The following ZNF723 variants were observed in gnomAD, a reference collection of about 807,000 sequenced individuals.
ZNF723 encodes the protein zinc finger protein 723, also known as zinc finger protein 723, pseudogene.
In ZNF723, 5 loss-of-function variants were observed where a neutral mutation model predicts 9.4. The ratio of observed to expected loss-of-function variants is 0.53; its 90% confidence interval spans 0.28 to 1.12. ZNF723 has a LOEUF of 1.12. Ranked by LOEUF, ZNF723 falls within the 50% of genes most tolerant of loss-of-function variation. ZNF723 has a pLI of 0.10. For missense variants in ZNF723, 450 were observed against 501.5 expected (o/e 0.90, Z 0.98); for synonymous variants, 158 against 168.8 (o/e 0.94, Z 0.49).
intron 1 of ZNF723, chr19:22,840,346 T>G (rs1482009952): frequency 2.0e-4 from 24 of 121,514 alleles, no homozygotes; most frequent in African/African-American, 6.9e-4. Flanking sequence ...TAATTTTGTA[T>G]TTTTAGTATA....
At chr19:22,838,380 C>CGTCTCTA (rs1967195384) in intron 1 of ZNF723, among the ~76,000 whole-genome samples, 1 of 151,872 alleles carries the variant, frequency 6.6e-6, no homozygotes, top group South Asian at 2.1e-4. Flanking sequence ...GGTGAAACCC[C>CGTCTCTA]GTCTCTACTA....
At chr19:22,852,187 T>C (rs746116213) in intron 3 of ZNF723, among the ~76,000 whole-genome samples, 147 of 152,314 alleles carry the variant, frequency 9.7e-4, no homozygotes, top group Non-Finnish European at 1.9e-3. Context: ...TCTTTTAAGA[T>C]TTCTTTCATA....
At chr19:22,820,323 A>G in the ZNF723 span, among the ~76,000 whole-genome samples, 1 of 152,142 alleles carries the variant, frequency 6.6e-6, no homozygotes, top group African/African-American at 2.4e-5. Context: ...CACAGGGAGA[A>G]TTGTGACATA....
chr19:22,836,128 G>C (rs1967163296), intron 1 of ZNF723, among the ~76,000 whole-genome samples: 1 of 152,128 alleles, frequency 6.6e-6, no homozygotes, highest in African/African-American at 2.4e-5. Context: ...GCCTGCAAAA[G>C]GAGGTTATTA....
In ZNF723 at chr19:22,832,401, A is replaced by T; in HGVS notation, c.3+19A>T. Reference sequence around the variant, plus strand: ...AGAAATGGTGAGAGTACCGGGTCCGACATCCCGAGAGAGGGGAAGGGCTGG... The same window carrying T: ...AGAAATGGTGAGAGTACCGGGTCCGTCATCCCGAGAGAGGGGAAGGGCTGG... On this transcript the variant is annotated intron_variant, in intron 1 of 3. Transcript: ENST00000600766. The T allele has an allele frequency of 1.5e-6, 2 of 1,367,660 alleles. No homozygotes were observed. The highest frequency in any genetic ancestry group is 2.1e-6 in the Non-Finnish European group (2 of 973,592). The allele number at this position is 1,367,660 out of a possible 1,614,324, so 84.7% of individuals were successfully genotyped here.
At chr19:22,832,646 G>T (rs1331184390) in intron 1 of ZNF723, among the ~76,000 whole-genome samples, 1 of 152,198 alleles carries the variant, frequency 6.6e-6, no homozygotes, top group Non-Finnish European at 1.5e-5. Flanking sequence ...GCAGCGCCGA[G>T]TCTCTCCCAG....
chr19:22,819,655 C>T, the ZNF723 span, among the ~76,000 whole-genome samples: 4 of 152,296 alleles, frequency 2.6e-5, no homozygotes, highest in Admixed American at 2.0e-4. Flanking sequence ...GAGTCCTGAC[C>T]ACAGAAAGCA....
At chr19:22,853,498 C>A (rs558118391) in intron 3 of ZNF723, among the ~76,000 whole-genome samples, 2 of 151,998 alleles carry the variant, frequency 1.3e-5, no homozygotes, top group South Asian at 4.2e-4. Context: ...ATAAATTTTT[C>A]AGGTTTTTTT....
chr19:22,849,679 C>T (rs577732154), intron 3 of ZNF723, among the ~76,000 whole-genome samples: 6 of 152,210 alleles, frequency 3.9e-5, no homozygotes, highest in South Asian at 2.1e-4. Context: ...GAGGCCGAGG[C>T]GGGTGGATCA....
At chr19:22,839,823 G>C (rs979525671) in intron 1 of ZNF723, among the ~76,000 whole-genome samples, 3 of 152,106 alleles carry the variant, frequency 2.0e-5, no homozygotes, top group African/African-American at 7.2e-5. Flanking sequence ...TTTGGCTTGT[G>C]TGAGAAGGTA....
At chr19:22,814,065 G>A in the ZNF723 span, among the ~76,000 whole-genome samples, 2 of 152,036 alleles carry the variant, frequency 1.3e-5, no homozygotes, top group African/African-American at 2.4e-5. Context: ...GCCCACCTCG[G>A]CCTCCCAAAG....
At chr19:22,823,452 T>C in the ZNF723 span, among the ~76,000 whole-genome samples, 1 of 152,220 alleles carries the variant, frequency 6.6e-6, no homozygotes, top group Admixed American at 6.5e-5. Flanking sequence ...AGGCTGTGAC[T>C]CTTCTACCAG....
At chr19:22,826,562 T>G in the ZNF723 span, among the ~76,000 whole-genome samples, 1 of 152,170 alleles carries the variant, frequency 6.6e-6, no homozygotes, top group Non-Finnish European at 1.5e-5. Context: ...TAACTGTCAC[T>G]CTCTCACATG....
rs1010412886 is a variant in ZNF723, at chr19:22,857,845, T to A, written c.954T>A (p.Cys318Ter). ...TGEKPYKCEE[C>*]GKAFNQPSHL... ...AGAAACCCTACAAATGTGAAGAATG[T>A]GGCAAAGCCTTTAACCAGCCCTCAC... Residue 318 changes from cysteine to a stop codon, truncating the protein, a stop_gained, in exon 4 of 4, where the codon TGT becomes TGA. Coordinates refer to ENST00000600766, the MANE Select transcript of ZNF723 (RefSeq NM_001349726.2). LOFTEE classifies it low-confidence loss of function (END_TRUNC). 3 of 1,404,504 alleles carry A rather than the reference T, an allele frequency of 2.1e-6. No homozygotes were observed. In the East Asian group the frequency reaches 6.8e-5, roughly 32 times the overall value. 87.0% of individuals were successfully genotyped at this position (1,404,504 alleles called of 1,614,324 possible). A position where few individuals can be genotyped will look rare whatever the true frequency, so the allele number is the denominator to read the frequency against.
the ZNF723 span, among the ~76,000 whole-genome samples, chr19:22,814,210 C>A: frequency 6.6e-6 from 1 of 152,262 alleles, no homozygotes; most frequent in South Asian, 2.1e-4. Flanking sequence ...GGCTTAATTA[C>A]CTTAGATGCA....
Position 22,832,856 on chromosome 19 carries a change from G to A in ZNF723, c.3+474G>A, listed in dbSNP as rs373676288. ...GCACCCCTATGGGTTGTAGTTTGTG[G>A]TCCATTAGAGGGGCTTGAAGAAAAG... is the stretch of plus-strand genomic sequence containing the variant. On this transcript the variant is annotated intron_variant, in intron 1 of 3. Coordinates refer to ENST00000600766, the MANE Select transcript of ZNF723 (RefSeq NM_001349726.2). Among the ~76,000 whole-genome samples, 9 of 152,256 alleles carry A rather than the reference G, an allele frequency of 5.9e-5. No homozygotes were observed. The East Asian group carries it at 9.7e-4, about 16-fold the overall frequency.
At chr19:22,844,910 G>A (rs1162351946) in intron 1 of ZNF723, among the ~76,000 whole-genome samples, 3 of 152,158 alleles carry the variant, frequency 2.0e-5, no homozygotes, top group African/African-American at 7.2e-5. Flanking sequence ...GAGGTCAGGA[G>A]ATCGAGACCA....
chr19:22,825,301 T>A, the ZNF723 span, among the ~76,000 whole-genome samples: 1 of 152,166 alleles, frequency 6.6e-6, no homozygotes, highest in East Asian at 1.9e-4. Flanking sequence ...GATATATCAT[T>A]GAAATGGTGA....
chr19:22,839,465 GGT>G (rs1568403965), intron 1 of ZNF723, among the ~76,000 whole-genome samples: 5 of 91,070 alleles, frequency 5.5e-5, no homozygotes, highest in Admixed American at 3.1e-4. Flanking sequence ...GTTTTTTTTT[GGT>G]TTTTTTTTTT....
Sources: gnomAD v4.1 joint callset for allele counts (sites outside exome capture counted in the v4.1 genomes callset) on GRCh38, gnomAD v4.1.1 for gene constraint, MANE v1.5 for transcripts, NCBI Gene and HGNC (gene_info 2026-07-23, HGNC 2026-07-21) for gene names.